PPARGC1A: variants seen among roughly 807,000 people sequenced by gnomAD.
PPARGC1A encodes the protein peroxisome proliferator-activated receptor gamma coactivator 1-alpha.
PPARGC1A carries 25 observed loss-of-function variants against 88.7 expected under a neutral mutation model. The observed-to-expected ratio is 0.28, with a 90% CI of 0.21 to 0.39. PPARGC1A has a LOEUF of 0.39. Among genes scored for constraint, PPARGC1A ranks in the 10% least tolerant of loss-of-function variants. PPARGC1A has a pLI of 1.00. For synonymous variants in PPARGC1A, 363 were observed against 355.6 expected, an observed-to-expected ratio of 1.02 and a Z score of -0.24; for missense variants, 880 against 968.7, an observed-to-expected ratio of 0.91 and a Z score of 1.22.
chr4:23,842,928 T>C (rs1727325082), intron 2 of PPARGC1A, among the ~76,000 whole-genome samples: 1 of 152,106 alleles, frequency 6.6e-6, no homozygotes, highest in African/African-American at 2.4e-5. Context: ...ATCTTAATAG[T>C]TATTATTAAC....
the PPARGC1A span, among the ~76,000 whole-genome samples, chr4:24,100,923 A>T: frequency 6.6e-6 from 1 of 152,188 alleles, no homozygotes; most frequent in Non-Finnish European, 1.5e-5. Flanking sequence ...AATAAACTAC[A>T]ATTTACAGGT....
the PPARGC1A span, among the ~76,000 whole-genome samples, chr4:24,165,747 T>A: frequency 1.3e-5 from 2 of 152,086 alleles, no homozygotes; most frequent in African/African-American, 4.8e-5. Context: ...ATATAAGAGG[T>A]TGAACTTGAT....
the PPARGC1A span, among the ~76,000 whole-genome samples, chr4:24,237,776 T>C: frequency 6.6e-6 from 1 of 152,192 alleles, no homozygotes; most frequent in East Asian, 1.9e-4. Flanking sequence ...GCAACAACTT[T>C]ATAGGCGGAA....
chr4:23,985,381 C>G, the PPARGC1A span, among the ~76,000 whole-genome samples: 1 of 151,960 alleles, frequency 6.6e-6, no homozygotes, highest in Non-Finnish European at 1.5e-5. Flanking sequence ...GAGGCTGGCT[C>G]CTGCGGACCA....
At chr4:24,084,790 A>T in the PPARGC1A span, among the ~76,000 whole-genome samples, 1 of 152,222 alleles carries the variant, frequency 6.6e-6, no homozygotes, top group Non-Finnish European at 1.5e-5. Context: ...TTTAAAAGGC[A>T]ATAACAAAAA....
chr4:24,043,675 T>C, the PPARGC1A span, among the ~76,000 whole-genome samples: 1 of 152,202 alleles, frequency 6.6e-6, no homozygotes, highest in African/African-American at 2.4e-5. Context: ...AGTTTATCTA[T>C]TTGTAAACTA....
intron 1 of PPARGC1A, among the ~76,000 whole-genome samples, chr4:23,898,827 G>A (rs1363259649): frequency 1.6e-5 from 2 of 125,778 alleles, no homozygotes; most frequent in Non-Finnish European, 3.3e-5. Context: ...CAATTCCTGA[G>A]GTGGGTATTT....
At chr4:23,987,270 T>C in the PPARGC1A span, among the ~76,000 whole-genome samples, 13 of 152,064 alleles carry the variant, frequency 8.5e-5, no homozygotes, top group Non-Finnish European at 1.8e-4. Context: ...GAGGAATCCC[T>C]CTGCACCTGA....
intron 2 of PPARGC1A, chr4:23,877,648 A>G (rs1038980951): frequency 4.6e-5 from 7 of 151,754 alleles, no homozygotes; most frequent in African/African-American, 1.7e-4. Flanking sequence ...AATTCATTTT[A>G]TAAAACCCAC....
chr4:24,006,942 GTAATT>G, the PPARGC1A span, among the ~76,000 whole-genome samples: 3 of 152,076 alleles, frequency 2.0e-5, no homozygotes, highest in Non-Finnish European at 4.4e-5. Flanking sequence ...TAGATTTAAT[GTAATT>G]TAATTCTAAT....
intron 12 of PPARGC1A, among the ~76,000 whole-genome samples, chr4:23,797,332 C>A (rs1458549253): frequency 6.7e-6 from 1 of 150,138 alleles, no homozygotes; most frequent in Non-Finnish European, 1.5e-5. Context: ...AACTGCTGTT[C>A]AAATCAAAAT....
the PPARGC1A span, chr4:24,258,190 G>A: frequency 3.1e-6 from 3 of 970,482 alleles, no homozygotes; most frequent in South Asian, 1.4e-4. Context: ...TGACAATAAT[G>A]TATTATACTT....
the PPARGC1A span, among the ~76,000 whole-genome samples, chr4:24,085,925 T>A: frequency 6.6e-6 from 1 of 151,862 alleles, no homozygotes; most frequent in Non-Finnish European, 1.5e-5. Context: ...ACAACTAATA[T>A]CCCCCTCATT....
At chr4:24,470,145 G>A in the PPARGC1A span, among the ~76,000 whole-genome samples, 1 of 152,080 alleles carries the variant, frequency 6.6e-6, no homozygotes, top group African/African-American at 2.4e-5. This position sits in a 1 kb window ranked among gnomAD's most constrained non-coding sequence, Gnocchi z 5.8. Flanking sequence ...CTCCAGGACT[G>A]GGGGGCGCGG....
chr4:24,453,062 G>A, the PPARGC1A span, among the ~76,000 whole-genome samples: 50 of 152,298 alleles, frequency 3.3e-4, no homozygotes, highest in African/African-American at 1.2e-3. Flanking sequence ...TATGACAGCT[G>A]TCATTATAAA....
upstream of PPARGC1A, among the ~76,000 whole-genome samples, chr4:23,902,078 A>T (rs77682567): frequency 7.6e-3 from 1,151 of 152,270 alleles, 56 homozygotes; most frequent in East Asian, 0.13. Flanking sequence ...AATACAAAAA[A>T]TAGAATGTAA....
chr4:24,135,631 G>A, the PPARGC1A span, among the ~76,000 whole-genome samples: 1 of 152,114 alleles, frequency 6.6e-6, no homozygotes, highest in Non-Finnish European at 1.5e-5. Flanking sequence ...GTTTGCAGAT[G>A]CCTCCTTCTA....
chr4:23,952,243 T>A, the PPARGC1A span, among the ~76,000 whole-genome samples: 3 of 152,270 alleles, frequency 2.0e-5, no homozygotes, highest in African/African-American at 4.8e-5. Flanking sequence ...CAGGTCACAA[T>A]GATAGTTTAC....
At chr4:24,122,382 CGTATGTGTGT>C in the PPARGC1A span, among the ~76,000 whole-genome samples, 4 of 69,946 alleles carry the variant, frequency 5.7e-5, no homozygotes, top group East Asian at 3.6e-4. Context: ...TGTGTGTATG[CGTATGTGTGT>C]GTGTGTGTGT....
Sources: allele counts gnomAD v4.1 joint callset (sites outside exome capture counted in the v4.1 genomes callset), GRCh38; gene constraint gnomAD v4.1.1; non-coding constraint Gnocchi (gnomAD v3.1); transcripts MANE v1.5; gene names NCBI Gene and HGNC (gene_info 2026-07-23, HGNC 2026-07-21).